EFHD1: variants seen among roughly 807,000 people sequenced by gnomAD.
EFHD1 encodes EF-hand domain-containing protein D1.
Under a neutral mutation model 17.2 loss-of-function variants are expected in EFHD1, and 10 were observed. That is an observed-to-expected ratio of 0.58 (90% CI 0.36 to 0.99). The LOEUF (loss-of-function observed/expected upper bound fraction) is 0.99. EFHD1 is among the 50% of genes least tolerant of loss of function. The pLI, the probability that EFHD1 is intolerant of heterozygous loss-of-function variation, is 0.01. For synonymous variants in EFHD1, 153 were observed against 142.0 expected, an observed-to-expected ratio of 1.08 and a Z score of -0.55; for missense variants, 310 against 327.5, an observed-to-expected ratio of 0.95 and a Z score of 0.41.
At chr2:232,614,013 TAC>T (rs1235922132) in intron 1 of EFHD1, among the ~76,000 whole-genome samples, 1 of 125,456 alleles carries the variant, frequency 8.0e-6, no homozygotes, top group Admixed American at 8.1e-5. Context: ...CATACACATA[TAC>T]ACACAAATAC....
Position 232,639,289 on chromosome 2 carries a change from C to T in EFHD1, c.302+5283C>T, listed in dbSNP as rs150348568. On this transcript the variant is annotated intron_variant, in intron 1 of 3. Transcript: ENST00000264059. Reference sequence around the variant, plus strand: ...ATACAGAAAGAGAAAGGTCCTTTCCCCCTTCTCCCTTGCAGGATTATTAAA... The same window carrying T: ...ATACAGAAAGAGAAAGGTCCTTTCCTCCTTCTCCCTTGCAGGATTATTAAA... Among the ~76,000 whole-genome samples the T allele has an allele frequency of 1.5e-4, 23 of 152,210 alleles. No homozygotes were observed. In the East Asian group the frequency reaches 4.1e-3, roughly 27 times the overall value.
intron 1 of EFHD1, among the ~76,000 whole-genome samples, chr2:232,621,792 G>C (rs1694023236): frequency 6.6e-6 from 1 of 152,088 alleles, no homozygotes; most frequent in Admixed American, 6.5e-5. Flanking sequence ...GGAAATTGAA[G>C]TTCAAAGAAG....
intron 1 of EFHD1, among the ~76,000 whole-genome samples, chr2:232,614,027 C>CA (rs1191678883): frequency 1.4e-5 from 2 of 143,482 alleles, no homozygotes; most frequent in Non-Finnish European, 3.1e-5. Flanking sequence ...CACAAATACA[C>CA]ACACAAACAT....
rs368945964 is a variant in EFHD1, at chr2:232,633,718, A to T, written c.14A>T (p.Glu5Val). The T allele has an allele frequency of 6.8e-7, 1 of 1,465,018 alleles. No individual in the cohort carries two copies. The highest frequency in any genetic ancestry group is 1.5e-5 in the African/African-American group (1 of 67,836). The allele number at this position is 1,465,018 out of a possible 1,614,324, so 90.8% of individuals were successfully genotyped here. Residue 5 changes from glutamate to valine, a missense_variant, in exon 1 of 4, where the codon GAG becomes GTG. Transcript: ENST00000264059. ...CGATCCGCCGCCATGGCCAGTGAGG[A>T]GCTGGCGTGCAAGCTGGAGCGCCGG... Reference protein sequence around the residue: MASEELACKLERRLR... With the variant: MASEVLACKLERRLR...
chr2:232,661,917 C>T (rs1694875921), intron 1 of EFHD1: 1 of 152,158 alleles, frequency 6.6e-6, no homozygotes, highest in Admixed American at 6.6e-5. Context: ...GCGTTGTTTC[C>T]ACCTTTTGGC....
intron 2 of EFHD1, among the ~76,000 whole-genome samples, chr2:232,664,908 C>T (rs1319951292): frequency 9.9e-5 from 15 of 151,776 alleles, no homozygotes; most frequent in East Asian, 1.9e-4. Context: ...CCACCACGCC[C>T]GGCCTATTTT....
intron 1 of EFHD1, among the ~76,000 whole-genome samples, chr2:232,650,321 T>C (rs1363092337): frequency 3.3e-5 from 5 of 149,618 alleles, no homozygotes; most frequent in African/African-American, 4.9e-5. Context: ...TAAGAAGGTG[T>C]TTCATTCTCA....
intron 1 of EFHD1, among the ~76,000 whole-genome samples, chr2:232,641,670 C>T (rs1694434857): frequency 6.6e-6 from 1 of 152,234 alleles, no homozygotes; most frequent in South Asian, 2.1e-4. Flanking sequence ...GTTCCTGTAA[C>T]ACTTGGTGAG....
chr2:232,671,430 AAAAT>A (rs545537160), intron 2 of EFHD1, among the ~76,000 whole-genome samples: 2 of 152,248 alleles, frequency 1.3e-5, no homozygotes, highest in Non-Finnish European at 2.9e-5. Flanking sequence ...CTGTCTCAAG[AAAAT>A]AAATAAATAG....
upstream of EFHD1, among the ~76,000 whole-genome samples, chr2:232,629,465 A>T (rs1038821843): frequency 1.3e-5 from 2 of 151,850 alleles, no homozygotes; most frequent in African/African-American, 4.8e-5. Flanking sequence ...GAAAAATGAG[A>T]TTTTCTTTTT....
At chr2:232,644,106 C>A (rs4072148) in intron 1 of EFHD1, among the ~76,000 whole-genome samples, 2,770 of 152,248 alleles carry the variant, frequency 0.018, 188 homozygotes, top group East Asian at 0.14. Context: ...TTTCAGGGAA[C>A]CCCTCCTTCC....
At chr2:232,636,626 C>T (rs180703044) in intron 1 of EFHD1, among the ~76,000 whole-genome samples, 1 of 152,098 alleles carries the variant, frequency 6.6e-6, no homozygotes, top group Non-Finnish European at 1.5e-5. Flanking sequence ...GAGTTCGAGG[C>T]CAGCCTGATC....
intron 1 of EFHD1, among the ~76,000 whole-genome samples, chr2:232,622,539 A>G (rs1694035706): frequency 6.6e-6 from 1 of 152,170 alleles, no homozygotes; most frequent in South Asian, 2.1e-4. Flanking sequence ...TTTAGACCCC[A>G]GGTCTAGCAT....
In EFHD1 at chr2:232,681,853, C is replaced by T. The variant is rs1320779292; in HGVS notation, c.*134C>T. 16 of 1,365,746 alleles carry T rather than the reference C, an allele frequency of 1.2e-5. No homozygotes were observed. The highest frequency in any genetic ancestry group is 2.7e-5 in the Admixed American group (1 of 37,454). 84.6% of individuals were successfully genotyped at this position (1,365,746 alleles called of 1,614,324 possible). A position where few individuals can be genotyped will look rare whatever the true frequency, so the allele number is the denominator to read the frequency against. ...CCATCCACCACCCCGTGCCAGCTCCCGTGCCAGCCTTCATTCCTCCCAGTG... is the reference window on the plus strand; with the variant it reads ...CCATCCACCACCCCGTGCCAGCTCCTGTGCCAGCCTTCATTCCTCCCAGTG... On this transcript the variant is annotated 3_prime_UTR_variant, in exon 4 of 4. Coordinates refer to ENST00000264059, the MANE Select transcript of EFHD1 (RefSeq NM_025202.4).
chr2:232,611,038 C>T (rs1258318241), intron 1 of EFHD1, among the ~76,000 whole-genome samples: 2 of 151,828 alleles, frequency 1.3e-5, no homozygotes, highest in Non-Finnish European at 2.9e-5. Flanking sequence ...CTTAGCCAGG[C>T]GTGGTGGTGT....
At chr2:232,612,039 T>A (rs1031170029) in intron 1 of EFHD1, 1 of 152,176 alleles carries the variant, frequency 6.6e-6, no homozygotes, top group African/African-American at 2.4e-5. Context: ...GGGTTTTTTT[T>A]AGGAGTATTG....
At chr2:232,663,820 T>G in intron 2 of EFHD1, among the ~76,000 whole-genome samples, 1 of 151,050 alleles carries the variant, frequency 6.6e-6, no homozygotes. Context: ...TCTTCTTTGC[T>G]TATCACCCAG....
Position 232,677,821 on chromosome 2 carries a change from A to T in EFHD1, c.586-3764A>T, listed in dbSNP as rs1051977167. Among the ~76,000 whole-genome samples, 13 of 152,334 alleles carry T rather than the reference A, an allele frequency of 8.5e-5. No homozygotes were observed. The South Asian group carries it at 2.7e-3, about 32-fold the overall frequency. ...GGATTACTTCTTCCCTTGTCCTCCA[A>T]TGTTATAAAAAGAATGCAAACATAT... On this transcript the variant is annotated intron_variant, in intron 3 of 3. Coordinates refer to ENST00000264059, the MANE Select transcript of EFHD1 (RefSeq NM_025202.4).
intron 1 of EFHD1, among the ~76,000 whole-genome samples, chr2:232,638,984 C>T (rs1277033842): frequency 1.3e-5 from 2 of 152,150 alleles, no homozygotes; most frequent in East Asian, 3.9e-4. Context: ...AGACCCCATG[C>T]CTTGGAACTG....
Sources: gnomAD v4.1 joint callset for allele counts (sites outside exome capture counted in the v4.1 genomes callset) on GRCh38, gnomAD v4.1.1 for gene constraint, MANE v1.5 for transcripts, NCBI Gene and HGNC (gene_info 2026-07-23, HGNC 2026-07-21) for gene names.